The following KRTAP13-3 variants were observed in gnomAD, a reference collection of about 807,000 sequenced individuals.
KRTAP13-3 encodes the protein keratin-associated protein 13-3.
For synonymous variants in KRTAP13-3, 98 were observed against 79.4 expected (o/e 1.23, Z -1.25); for missense variants, 243 against 202.8 (o/e 1.20, Z -1.20).
At chr21:30,425,828 A>T (rs774772082) in exon 1 of KRTAP13-3, 22 of 1,614,040 alleles carry the variant, frequency 1.4e-5, no homozygotes, top group Admixed American at 3.3e-5. Flanking sequence ...CTGGGGTAGG[A>T]AGAGCCACAG....
chr21:30,425,842 G>A (rs267606100), exon 1 of KRTAP13-3: 2 of 1,614,170 alleles, frequency 1.2e-6, no homozygotes, highest in South Asian at 1.1e-5. Flanking sequence ...GCCACAGGAG[G>A]AGCCTGGGTA....
At chr21:30,425,661 C>G in exon 1 of KRTAP13-3, 1 of 1,614,166 alleles carries the variant, frequency 6.2e-7, no homozygotes, top group East Asian at 2.2e-5. Flanking sequence ...GCATGTGAGT[C>G]CTGGGGTAGT....
exon 1 of KRTAP13-3, chr21:30,425,771 G>T: frequency 6.2e-7 from 1 of 1,614,200 alleles, no homozygotes; most frequent in Non-Finnish European, 8.5e-7. Context: ...GAGGAACCCA[G>T]CTGGCAGGTG....
At position 30,425,544 on chromosome 21, in the gene KRTAP13-3, T is replaced by G. The variant is rs556675684; in HGVS notation, c.369A>C (p.Gly123=). The G allele has an allele frequency of 2.9e-5, 47 of 1,614,040 alleles. No individual in the cohort carries two copies. The African/African-American group carries it at 5.9e-4, about 20-fold the overall frequency. The change falls in exon 1 of 1, where the codon GGA becomes GGC. Residue 123 remains glycine, a synonymous_variant. Coordinates refer to ENST00000390690, the Ensembl canonical transcript of KRTAP13-3. The stretch of plus-strand genomic sequence containing the variant: ...AATTCAGATATCTGAAGCCATTGGA[T>G]CCACAGCCCAGTGAGGAGCAGCTCC...
chr21:30,425,724 G>A, exon 1 of KRTAP13-3: 1 of 1,614,146 alleles, frequency 6.2e-7, no homozygotes, highest in Non-Finnish European at 8.5e-7. Flanking sequence ...GACAGCTGTT[G>A]GGCCTCCAGC....
chr21:30,425,661 C>A, exon 1 of KRTAP13-3: 1 of 1,614,166 alleles, frequency 6.2e-7, no homozygotes, highest in Non-Finnish European at 8.5e-7. Flanking sequence ...GCATGTGAGT[C>A]CTGGGGTAGT....
At chr21:30,425,626 T>G (rs1385207336) in exon 1 of KRTAP13-3, 1 of 1,614,006 alleles carries the variant, frequency 6.2e-7, no homozygotes, top group Admixed American at 1.7e-5. Flanking sequence ...AGACCCAACA[T>G]GCATAGTCAG....
At chr21:30,425,403 A>G (rs750024042) in exon 1 of KRTAP13-3, 68 of 1,558,290 alleles carry the variant, frequency 4.4e-5, no homozygotes, top group Non-Finnish European at 5.7e-5. Context: ...GTCAGTAGAA[A>G]CCAGATCTAC....
exon 1 of KRTAP13-3, chr21:30,425,679 G>T: frequency 1.9e-6 from 3 of 1,614,112 alleles, no homozygotes; most frequent in Non-Finnish European, 2.5e-6. Context: ...AGTAGCAGGA[G>T]GTGTGGCAGG....
exon 1 of KRTAP13-3, chr21:30,425,433 T>A (rs779797647): frequency 1.3e-5 from 20 of 1,589,142 alleles, no homozygotes; most frequent in Non-Finnish European, 1.6e-5. Context: ...GATAACAAGA[T>A]GAATGGAACC....
exon 1 of KRTAP13-3, chr21:30,425,722 T>G (rs1320226618): frequency 6.2e-7 from 1 of 1,614,014 alleles, no homozygotes; most frequent in Non-Finnish European, 8.5e-7. Context: ...CTGACAGCTG[T>G]TGGGCCTCCA....
At chr21:30,425,784 G>A (rs1158048583) in exon 1 of KRTAP13-3, 1 of 1,614,222 alleles carries the variant, frequency 6.2e-7, no homozygotes, top group Non-Finnish European at 8.5e-7. Flanking sequence ...GGCAGGTGCT[G>A]GGAGAGCAGA....
At chr21:30,425,743 T>G in exon 1 of KRTAP13-3, 2 of 1,614,148 alleles carry the variant, frequency 1.2e-6, no homozygotes, top group South Asian at 1.1e-5. Context: ...GCAGGTCTCC[T>G]GACAGCCCCT....
chr21:30,425,677 G>C, exon 1 of KRTAP13-3: 1 of 1,614,188 alleles, frequency 6.2e-7, no homozygotes, highest in Non-Finnish European at 8.5e-7. Context: ...GTAGTAGCAG[G>C]AGGTGTGGCA....
exon 1 of KRTAP13-3, chr21:30,425,803 C>T (rs1984286359): frequency 6.2e-7 from 1 of 1,614,030 alleles, no homozygotes; most frequent in Non-Finnish European, 8.5e-7. Context: ...GAGGTCAGTG[C>T]TGTAGACCAG....
exon 1 of KRTAP13-3, chr21:30,425,477 A>G: frequency 6.2e-7 from 1 of 1,612,892 alleles, no homozygotes; most frequent in Non-Finnish European, 8.5e-7. Flanking sequence ...GGATGGCAGA[A>G]TCTGGATCTA....
At chr21:30,425,874 G>A (rs374751073) in exon 1 of KRTAP13-3, 5 of 1,613,902 alleles carry the variant, frequency 3.1e-6, no homozygotes, top group East Asian at 2.2e-5. Context: ...CCCCGTGGGA[G>A]CAGGAGGAGA....
chr21:30,425,505 G>A lies in KRTAP13-3; in HGVS notation c.408C>T (p.Thr136=), dbSNP rs765324772. The A allele has an allele frequency of 6.2e-6, 10 of 1,613,866 alleles. No individual in the cohort carries two copies. In the Admixed American group the frequency reaches 1.5e-4, roughly 24 times the overall value. ...TGGATCTATAACTCTGGGAAGGGGA[G>A]GTATGGATTCTATAATTCAGATATC... is the stretch of plus-strand genomic sequence containing the variant. Residue 136 remains threonine (T), a synonymous_variant, in exon 1 of 1, where the codon ACC becomes ACT. Coordinates refer to ENST00000390690, the Ensembl canonical transcript of KRTAP13-3.
At chr21:30,425,851 TAGTGCAAGTAA>T in the KRTAP13-3 span, 1 of 1,614,016 alleles carries the variant, frequency 6.2e-7, no homozygotes, top group Non-Finnish European at 8.5e-7. Context: ...GGAGCCTGGG[TAGTGCAAGTAA>T]CCCCCGTGGG....
Sources: gnomAD v4.1 joint callset for allele counts on GRCh38, gnomAD v4.1.1 for gene constraint, MANE v1.5 for transcripts, NCBI Gene and HGNC (gene_info 2026-07-23, HGNC 2026-07-21) for gene names.